The following ZNF605 variants were observed in gnomAD, a reference collection of about 807,000 sequenced individuals.
ZNF605 encodes zinc finger protein 605.
Under a neutral mutation model 7.9 loss-of-function variants are expected in ZNF605, and 9 were observed. The ratio of observed to expected loss-of-function variants is 1.14; its 90% CI spans 0.68 to 1.98. The LOEUF (loss-of-function observed/expected upper bound fraction) is 1.98. Ranked by LOEUF, ZNF605 falls within the 30% of genes most tolerant of loss-of-function variation. The pLI is 0.00. For missense variants in ZNF605, 673 were observed against 762.4 expected, an observed-to-expected ratio of 0.88 and a Z score of 1.38; for synonymous variants, 255 against 260.1, an observed-to-expected ratio of 0.98 and a Z score of 0.19.
rs1333512643 is a variant in ZNF605, at chr12:132,933,171, C to T, written c.16-16G>A. On this transcript the variant is annotated splice_polypyrimidine_tract_variant and intron_variant, in intron 3 of 4. Coordinates refer to ENST00000360187, the MANE Select transcript of ZNF605 (RefSeq NM_183238.4). The surrounding 1 kb of genome is among the most constrained non-coding windows in gnomAD (Gnocchi z 4.4). Reference sequence around the variant, plus strand: ...CAAATGATATCTGGAAAAGCATAATCCCTGTTAAACCTGAAGTGGTTCTCA... The same window carrying T: ...CAAATGATATCTGGAAAAGCATAATTCCTGTTAAACCTGAAGTGGTTCTCA... The T allele has an allele frequency of 1.9e-6, 3 of 1,591,736 alleles. No homozygotes were observed. Among genetic ancestry groups the T allele is most frequent in the African/African-American group, 1.4e-5 (1 of 73,918 alleles).
chr12:132,950,710 C>T (rs1952549854), intron 1 of ZNF605, among the ~76,000 whole-genome samples: 1 of 143,606 alleles, frequency 7.0e-6, no homozygotes, highest in Non-Finnish European at 1.5e-5. Context: ...CATGCACACA[C>T]ACTCACAGAT....
At chr12:132,937,777 C>G (rs1284953449) in intron 3 of ZNF605, among the ~76,000 whole-genome samples, 1 of 148,754 alleles carries the variant, frequency 6.7e-6, no homozygotes, top group Non-Finnish European at 1.5e-5. Flanking sequence ...TTATTCAAAA[C>G]TGCTAAAAAG....
chr12:132,951,224 A>G (rs1433192005), intron 1 of ZNF605, among the ~76,000 whole-genome samples: 1 of 151,858 alleles, frequency 6.6e-6, no homozygotes, highest in Non-Finnish European at 1.5e-5. Context: ...ACACATGTAC[A>G]TCACACATAC....
intron 2 of ZNF605, among the ~76,000 whole-genome samples, chr12:132,947,099 G>A (rs765536449): frequency 4.0e-4 from 60 of 150,130 alleles, no homozygotes; most frequent in Non-Finnish European, 8.3e-4. Context: ...TGCAACCTCC[G>A]CCTCCTGGGT....
rs974003741 is a variant in ZNF605, at chr12:132,918,729, CCACCA to C, written c.*6639_*6643del. The stretch of plus-strand genomic sequence containing the variant: ...CCGAGCAGCTGGGTTTACAGGTGCT[CCACCA>C]CACCCGGCTATTTTTTTTGTTTTGT... On this transcript the variant is annotated 3_prime_UTR_variant, in exon 5 of 5. Coordinates refer to ENST00000360187, the MANE Select transcript of ZNF605 (RefSeq NM_183238.4). 6.6e-6 allele frequency: 1 copy of C among 150,600 alleles called. No individual in the cohort carries two copies. The highest frequency in any genetic ancestry group is 1.5e-5 in the Non-Finnish European group (1 of 67,122). 9.3% of individuals were successfully genotyped at this position (150,600 alleles called of 1,614,324 possible).
At chr12:132,934,156 G>A (rs1284171454) in intron 3 of ZNF605, among the ~76,000 whole-genome samples, 1 of 152,050 alleles carries the variant, frequency 6.6e-6, no homozygotes, top group Non-Finnish European at 1.5e-5. Flanking sequence ...GTGGGCACCT[G>A]CAATCCCAGC....
chr12:132,927,376 TA>T (rs1332735225), intron 4 of ZNF605, among the ~76,000 whole-genome samples: 8 of 152,162 alleles, frequency 5.3e-5, no homozygotes, highest in South Asian at 2.1e-4. Flanking sequence ...TGTTTATATA[TA>T]TTTTTTTGAG....
At position 132,923,792 on chromosome 12, in the gene ZNF605, T is replaced by G. The variant is rs1952223606; in HGVS notation, c.*1581A>C. The G allele has an allele frequency of 6.6e-6, 1 of 152,202 alleles. No individual in the cohort carries two copies. Among genetic ancestry groups the G allele is most frequent in the South Asian group, 2.1e-4 (1 of 4,830 alleles). 9.4% of individuals were successfully genotyped at this position (152,202 alleles called of 1,614,324 possible). A position where few individuals can be genotyped will look rare whatever the true frequency, so the allele number is the denominator to read the frequency against. The stretch of plus-strand genomic sequence containing the variant: ...AAATACTTCTTCATGCCTCTTCATT[T>G]TCTCCTCTCCTTCTGGGACTCCAGT... On this transcript the variant is annotated 3_prime_UTR_variant, in exon 5 of 5. Coordinates refer to ENST00000360187, the MANE Select transcript of ZNF605 (RefSeq NM_183238.4).
At chr12:132,938,785 C>A (rs1354418578) in intron 3 of ZNF605, among the ~76,000 whole-genome samples, 1 of 151,894 alleles carries the variant, frequency 6.6e-6, no homozygotes, top group Non-Finnish European at 1.5e-5. Context: ...GGGCTGTGTG[C>A]GGCGCTTGCG....
intron 1 of ZNF605, among the ~76,000 whole-genome samples, chr12:132,951,631 TAC>T (rs1271135489): frequency 2.5e-5 from 3 of 121,668 alleles, no homozygotes; most frequent in Non-Finnish European, 4.8e-5. Context: ...CACAGACACG[TAC>T]AGATACACTG....
chr12:132,926,650 T>C lies in ZNF605; in HGVS notation c.649A>G (p.Arg217Gly), dbSNP rs1952250848. The C allele has an allele frequency of 3.1e-6, 5 of 1,614,092 alleles. No homozygotes were observed. The highest frequency in any genetic ancestry group is 4.2e-6 in the Non-Finnish European group (5 of 1,180,044). Residue 217 changes from arginine to glycine, a missense_variant, in exon 5 of 5, where the codon AGA (arginine) becomes GGA (glycine). Coordinates refer to ENST00000360187, the MANE Select transcript of ZNF605 (RefSeq NM_183238.4). Reference sequence around the variant, plus strand: ...TGCGGTTTTTCTCCTGAGTGAGTTCTTTGATGAACCGTGAGCAGTGACTTC... The same window carrying C: ...TGCGGTTTTTCTCCTGAGTGAGTTCCTTGATGAACCGTGAGCAGTGACTTC... ...SQKSLLTVHQRTHSGEKPHGC... is the reference protein window; with the variant it reads ...SQKSLLTVHQGTHSGEKPHGC...
At chr12:132,938,044 G>A (rs1359552585) in intron 3 of ZNF605, among the ~76,000 whole-genome samples, 1 of 152,188 alleles carries the variant, frequency 6.6e-6, no homozygotes, top group Admixed American at 6.5e-5. Flanking sequence ...GCAGTGGCGC[G>A]ATCTCGGCTC....
At position 132,926,764 on chromosome 12, in the gene ZNF605, T is replaced by TA. The variant is rs1388098123; in HGVS notation, c.534dup (p.Asn179Ter). 2.5e-6 allele frequency: 4 copies of TA among 1,613,784 alleles called. No individual in the cohort carries two copies. Among genetic ancestry groups the TA allele is most frequent in the Non-Finnish European group, 3.4e-6 (4 of 1,179,804 alleles). On this transcript the variant is annotated frameshift_variant, in exon 5 of 5. Transcript: ENST00000360187. LOFTEE classifies it low-confidence loss of function (END_TRUNC). The stretch of plus-strand genomic sequence containing the variant: ...TGTATAACAAGTTGTGACTTCTTGT[T>TA]AAAAAATCTGCCACATTCCATGCAT...
At position 132,945,724 on chromosome 12, in the gene ZNF605, G is replaced by A. The variant is rs1952488296; in HGVS notation, c.-89C>T. ...GCCTCTGGTCAGTGGTCTGTAAACT[G>A]AGAATACATCCTTGGTCTTGTGGGC... On this transcript the variant is annotated 5_prime_UTR_variant, in exon 3 of 5. It introduces an in-frame stop codon into an upstream open reading frame of the 5' UTR. Coordinates refer to ENST00000360187, the MANE Select transcript of ZNF605 (RefSeq NM_183238.4). The A allele has an allele frequency of 6.3e-7, 1 of 1,577,108 alleles. No homozygotes were observed.
chr12:132,926,365 T>C lies in ZNF605; in HGVS notation c.934A>G (p.Ser312Gly). ...AHTGEKPYPC[S>G]HCGKAFFWKS... The stretch of plus-strand genomic sequence containing the variant: ...CAAAAGAAGGCTTTTCCACAGTGAC[T>C]ACATGGATAGGGTTTCTCTCCTGTG... Residue 312 changes from serine to glycine, a missense_variant, in exon 5 of 5, where the codon AGT (serine) becomes GGT (glycine). Coordinates refer to ENST00000360187, the MANE Select transcript of ZNF605 (RefSeq NM_183238.4). 6.2e-7 allele frequency: 1 copy of C among 1,614,222 alleles called. No homozygotes were observed. The highest frequency in any genetic ancestry group is 8.5e-7 in the Non-Finnish European group (1 of 1,180,038).
At chr12:132,952,260 G>T (rs1952581039) in intron 1 of ZNF605, among the ~76,000 whole-genome samples, 1 of 151,850 alleles carries the variant, frequency 6.6e-6, no homozygotes, top group African/African-American at 2.4e-5. Flanking sequence ...AGGAGTTCGA[G>T]ACCAGCCTGG....
rs7967121 is a variant in ZNF605, at chr12:132,942,614, G to A, written c.15+3007C>T. Among the ~76,000 whole-genome samples, 986 of 152,324 alleles carry A rather than the reference G, an allele frequency of 6.5e-3. 9 individuals are homozygous for A. Among genetic ancestry groups the A allele is most frequent in the African/African-American group, 0.022 (908 of 41,580 alleles). On this transcript the variant is annotated intron_variant, in intron 3 of 4. Coordinates refer to ENST00000360187, the MANE Select transcript of ZNF605 (RefSeq NM_183238.4). ...GTTAACCTCACAACCTGAGGCGTGCGTGCCCGGCTGGGGCACCTGACCTTG... is the reference window on the plus strand; with the variant it reads ...GTTAACCTCACAACCTGAGGCGTGCATGCCCGGCTGGGGCACCTGACCTTG...
intron 3 of ZNF605, among the ~76,000 whole-genome samples, chr12:132,943,620 G>A (rs1246511355): frequency 1.3e-5 from 2 of 152,112 alleles, no homozygotes; most frequent in African/African-American, 2.4e-5. Context: ...TTGGGGTGGG[G>A]GAGAACCCTG....
At chr12:132,940,108 T>C (rs551014760) in intron 3 of ZNF605, among the ~76,000 whole-genome samples, 30 of 152,326 alleles carry the variant, frequency 2.0e-4, no homozygotes, top group Middle Eastern at 3.4e-3. Flanking sequence ...CCACCCATTC[T>C]GGACACACTG....
Sources: allele counts gnomAD v4.1 joint callset (sites outside exome capture counted in the v4.1 genomes callset), GRCh38; gene constraint gnomAD v4.1.1; non-coding constraint Gnocchi (gnomAD v3.1); transcripts MANE v1.5; gene names NCBI Gene and HGNC (gene_info 2026-07-23, HGNC 2026-07-21).